TP53TG5: variants seen among roughly 807,000 people sequenced by gnomAD.
TP53TG5 encodes TP53-target gene 5 protein.
A neutral mutation model predicts 30.0 loss-of-function variants in TP53TG5; 17 were observed. The observed-to-expected ratio is 0.57, with a 90% CI of 0.39 to 0.85. The LOEUF is 0.85. Among genes scored for constraint, TP53TG5 ranks in the 40% least tolerant of loss-of-function variants. The pLI is 0.00. For synonymous variants in TP53TG5, 137 were observed against 139.2 expected, an observed-to-expected ratio of 0.98 and a Z score of 0.11; for missense variants, 338 against 367.9, an observed-to-expected ratio of 0.92 and a Z score of 0.67.
At chr20:45,374,622 G>T in intron 4 of TP53TG5, 1 of 445,254 alleles carries the variant, frequency 2.2e-6, no homozygotes, top group Non-Finnish European at 4.0e-6. Context: ...CATAAATAGA[G>T]AGTTGAATTG....
rs1159440973 is a variant in TP53TG5 at position 45,378,228 on chromosome 20, T to C, written c.9A>G (p.Pro3=). The C allele has an allele frequency of 6.2e-7, 1 of 1,614,142 alleles. No individual in the cohort carries two copies. Among genetic ancestry groups the C allele is most frequent in the Admixed American group, 1.7e-5 (1 of 60,020 alleles). The change falls in exon 1 of 5, where the codon CCA becomes CCG. Residue 3 remains proline (P), a synonymous_variant. Transcript: ENST00000372726. ...TGTTCTTGGGCCTCTTCTTTGCTGA[T>C]GGACTCATGCTGGGGCTGTGAGACC... MS[P]SAKKRPKNSR... is the part of the protein sequence containing the mutation.
Position 45,378,175 on chromosome 20 carries a change from G to A in TP53TG5, c.48+14C>T. The A allele has an allele frequency of 1.9e-6, 3 of 1,614,014 alleles. No homozygotes were observed. Among genetic ancestry groups the A allele is most frequent in the Non-Finnish European group, 2.5e-6 (3 of 1,179,932 alleles). On this transcript the variant is annotated intron_variant, in intron 1 of 4. Transcript: ENST00000372726. ...TCTAGGGACTCACCCCCAGGGTCTA[G>A]TCCCAAGTCTGACCTTGGAAACCCT...
rs776523319 is a variant in TP53TG5 at position 45,377,605 on chromosome 20, A to G, written c.57T>C (p.Asp19=). ...GCTCTGTCTCGTCCCGCAGTTTCTC[A>G]TCTTGCATCTGAGGGACAGAGGATA... The part of the protein sequence containing the change: ...PKNSRVSKMQ[D]EKLRDETEQP... Residue 19 remains aspartate, a synonymous_variant, in exon 2 of 5, where the codon GAT becomes GAC. Transcript: ENST00000372726. 3.1e-6 allele frequency: 5 copies of G among 1,609,918 alleles called. No individual in the cohort carries two copies. The highest frequency in any genetic ancestry group is 2.2e-5 in the South Asian group (2 of 90,930).
rs1311014219 is a variant in TP53TG5, at chr20:45,373,809, A to T, written c.*98T>A. 2 of 1,204,404 alleles carry T rather than the reference A, an allele frequency of 1.7e-6. No individual in the cohort carries two copies. The highest frequency in any genetic ancestry group is 2.4e-6 in the Non-Finnish European group (2 of 820,272). The allele number at this position is 1,204,404 out of a possible 1,614,324, so 74.6% of individuals were successfully genotyped here. On this transcript the variant is annotated 3_prime_UTR_variant, in exon 5 of 5. Coordinates refer to ENST00000372726, the MANE Select transcript of TP53TG5 (RefSeq NM_014477.3). ...TGGGGGAAGCCTGAAGTCGCGACAC[A>T]GGCTCCCTCTACCGAAGGCCTCTTT...
Position 45,377,305 on chromosome 20 carries a change from C to G in TP53TG5, c.161G>C (p.Ser54Thr). The change falls in exon 3 of 5, where the codon AGC becomes ACC. Residue 54 changes from serine to threonine, a missense_variant. Physicochemically the swap from Ser to Thr is moderately conservative, Grantham distance 58. Transcript: ENST00000372726. ...KNLSLLKLLK[S>T]SNRRIQELHK... is the part of the protein sequence containing the mutation. ...CAGTTCTTGGATCCGGCGGTTTGAG[C>G]TCTTGAGTAGCTTCAAGAGCGACAA... 1 of 1,614,172 alleles carries G rather than the reference C, an allele frequency of 6.2e-7. No homozygotes were observed. Among genetic ancestry groups the G allele is most frequent in the Non-Finnish European group, 8.5e-7 (1 of 1,180,044 alleles).
Position 45,377,300 on chromosome 20 carries a change from T to A in TP53TG5, c.166A>T (p.Asn56Tyr). The A allele has an allele frequency of 1.2e-6, 2 of 1,614,138 alleles. No homozygotes were observed. Among genetic ancestry groups the A allele is most frequent in the Non-Finnish European group, 1.7e-6 (2 of 1,180,032 alleles). ...TTATGCAGTTCTTGGATCCGGCGGT[T>A]TGAGCTCTTGAGTAGCTTCAAGAGC... The part of the protein sequence containing the change: ...LSLLKLLKSS[N>Y]RRIQELHKLA... The change falls in exon 3 of 5, where the codon AAC becomes TAC. Residue 56 changes from asparagine to tyrosine, a missense_variant. Transcript: ENST00000372726.
At chr20:45,374,872 T>G in intron 4 of TP53TG5, 167 bp downstream of exon 4, 1 of 860,684 alleles carries the variant, frequency 1.2e-6, no homozygotes, top group African/African-American at 1.7e-5. Context: ...TGTATGATGT[T>G]GGTCTAAGGC....
Position 45,375,043 on chromosome 20 carries a change from T to A in TP53TG5, c.764A>T (p.Tyr255Phe). The A allele has an allele frequency of 6.2e-7, 1 of 1,612,702 alleles. No homozygotes were observed. Among genetic ancestry groups the A allele is most frequent in the Non-Finnish European group, 8.5e-7 (1 of 1,178,886 alleles). Residue 255 changes from tyrosine to phenylalanine, a missense_variant, in exon 4 of 5, where the codon TAC becomes TTC. Tyr to Phe is a conservative substitution (Grantham distance 22, BLOSUM62 3). Coordinates refer to ENST00000372726, the MANE Select transcript of TP53TG5 (RefSeq NM_014477.3). ...ASLEMPMWHP[Y>F]KVDVTWTRAR... is the part of the protein sequence containing the mutation. ...CAGTGTTGTTGTCACACCCACCTTG[T>A]ATGGATGCCACATAGGCATTTCAAG...
At chr20:45,375,827 C>A in intron 3 of TP53TG5, 1 of 430,918 alleles carries the variant, frequency 2.3e-6, no homozygotes, top group East Asian at 4.4e-5. Flanking sequence ...GATTAGGGTT[C>A]TGTCTCTCTG....
chr20:45,375,403 G>A lies in TP53TG5; in HGVS notation c.404C>T (p.Ser135Leu). Reference sequence around the variant, plus strand: ...CGTTTTCTCCTTGTTCCTCATCCCTGACTGCACCTGGGACTTCCACTCCTT... The same window carrying A: ...CGTTTTCTCCTTGTTCCTCATCCCTAACTGCACCTGGGACTTCCACTCCTT... ...EYKEWKSQVQ[S>L]GMRNKEKTSL... Residue 135 changes from serine (S) to leucine (L), a missense_variant, in exon 4 of 5, where the codon TCA becomes TTA. Transcript: ENST00000372726. 1 of 1,614,118 alleles carries A rather than the reference G, an allele frequency of 6.2e-7. No individual in the cohort carries two copies. The highest frequency in any genetic ancestry group is 8.5e-7 in the Non-Finnish European group (1 of 1,180,022).
chr20:45,375,287 C>T lies in TP53TG5; in HGVS notation c.520G>A (p.Gly174Arg). Residue 174 changes from glycine to arginine, a missense_variant, in exon 4 of 5, where the codon GGG (glycine) becomes AGG (arginine). Physicochemically the swap from Gly to Arg is moderately radical, Grantham distance 125 (BLOSUM62 -2). Transcript: ENST00000372726. ...RDDSLNPGVQ[G>R]RQPLTEGPRV... The stretch of plus-strand genomic sequence containing the variant: ...GGGCCCTCGGTGAGTGGTTGCCTCC[C>T]CTGGACTCCAGGGTTCAAGCTATCA... The T allele has an allele frequency of 6.2e-7, 1 of 1,614,134 alleles. No homozygotes were observed. The highest frequency in any genetic ancestry group is 8.5e-7 in the Non-Finnish European group (1 of 1,180,024).
Position 45,373,650 on chromosome 20 carries a change from C to T in TP53TG5, c.*257G>A. ...CGCGGGGCGATTGTGAGGCACTTTG[C>T]ACCCAGGAAGCACACGAGCGCCCTG... On this transcript the variant is annotated 3_prime_UTR_variant, in exon 5 of 5. Transcript: ENST00000372726. The T allele has an allele frequency of 1.9e-6, 1 of 534,992 alleles. No individual in the cohort carries two copies. The highest frequency in any genetic ancestry group is 2.4e-5 in the South Asian group (1 of 40,876). The allele number at this position is 534,992 out of a possible 1,614,324, so 33.1% of individuals were successfully genotyped here.
intron 2 of TP53TG5, 51 bp downstream of exon 2, chr20:45,377,488 T>C (rs1988766804): frequency 1.2e-6 from 2 of 1,611,462 alleles, no homozygotes; most frequent in Non-Finnish European, 1.7e-6. Flanking sequence ...GGGGCAGTAC[T>C]GCATGAGTAT....
Position 45,373,906 on chromosome 20 carries a change from C to A in TP53TG5, c.*1G>T. On this transcript the variant is annotated 3_prime_UTR_variant, in exon 5 of 5. Transcript: ENST00000372726. Reference sequence around the variant, plus strand: ...TCGTCTTAGGTGCCATATGGAAGATCTTATTTGTAGACTCGTGAATTTCGC... The same window carrying A: ...TCGTCTTAGGTGCCATATGGAAGATATTATTTGTAGACTCGTGAATTTCGC... 6.2e-7 allele frequency: 1 copy of A among 1,613,738 alleles called. No homozygotes were observed. The highest frequency in any genetic ancestry group is 8.5e-7 in the Non-Finnish European group (1 of 1,179,734).
intron 4 of TP53TG5, 53 bp downstream of exon 4, chr20:45,374,986 C>T: frequency 6.4e-7 from 1 of 1,570,270 alleles, no homozygotes. Context: ...AGCTCTGGGC[C>T]TGGCTTGGGG....
chr20:45,373,862 C>T lies in TP53TG5; in HGVS notation c.*45G>A, dbSNP rs1239688857. 1 of 1,567,332 alleles carries T rather than the reference C, an allele frequency of 6.4e-7. No individual in the cohort carries two copies. Among genetic ancestry groups the T allele is most frequent in the Non-Finnish European group, 8.8e-7 (1 of 1,137,674 alleles). ...TTCATCCTTCCCAGCCCCAGACAAACAGGCAGAGTAAGCAGTATTCGTCTT... is the reference window on the plus strand; with the variant it reads ...TTCATCCTTCCCAGCCCCAGACAAATAGGCAGAGTAAGCAGTATTCGTCTT... On this transcript the variant is annotated 3_prime_UTR_variant, in exon 5 of 5. Transcript: ENST00000372726.
At chr20:45,374,983 G>C in intron 4 of TP53TG5, 56 bp downstream of exon 4, 1 of 1,567,376 alleles carries the variant, frequency 6.4e-7, no homozygotes, top group South Asian at 1.2e-5. Flanking sequence ...CCCAGCTCTG[G>C]GCCTGGCTTG....
chr20:45,376,478 G>A (rs1180494893), intron 3 of TP53TG5: 1 of 152,246 alleles, frequency 6.6e-6, no homozygotes, highest in Non-Finnish European at 1.5e-5. Context: ...CAGAGCACAG[G>A]TGTTGGATTC....
rs1277760713 is a variant in TP53TG5 at position 45,373,822 on chromosome 20, C to T, written c.*85G>A. The T allele has an allele frequency of 7.5e-7, 1 of 1,341,240 alleles. No homozygotes were observed. The highest frequency in any genetic ancestry group is 1.1e-6 in the Non-Finnish European group (1 of 937,174). 83.1% of individuals were successfully genotyped at this position (1,341,240 alleles called of 1,614,324 possible). ...AAGTCGCGACACAGGCTCCCTCTAC[C>T]GAAGGCCTCTTTCCTTCATCCTTCC... On this transcript the variant is annotated 3_prime_UTR_variant, in exon 5 of 5. Coordinates refer to ENST00000372726, the MANE Select transcript of TP53TG5 (RefSeq NM_014477.3).
Sources: allele counts gnomAD v4.1 joint callset, GRCh38; gene constraint gnomAD v4.1.1; transcripts MANE v1.5; gene names NCBI Gene and HGNC (gene_info 2026-07-23, HGNC 2026-07-21).